The following PXDNL variants were observed in gnomAD, a reference collection of about 807,000 sequenced individuals.
The protein encoded by PXDNL is probable oxidoreductase PXDNL.
Under a neutral mutation model 150.8 loss-of-function variants are expected in PXDNL, and 145 were observed. The ratio of observed to expected loss-of-function variants is 0.96; its 90% CI spans 0.84 to 1.10. The LOEUF (loss-of-function observed/expected upper bound fraction) is 1.10, where lower values mean the gene tolerates loss of function less well. Among genes scored for constraint, PXDNL ranks in the 50% least tolerant of loss-of-function variants. PXDNL has a pLI of 0.00. For synonymous variants in PXDNL, 757 were observed against 725.7 expected (o/e 1.04, Z -0.69); for missense variants, 2,087 against 1,873.9 (o/e 1.11, Z -2.10).
intron 1 of PXDNL, among the ~76,000 whole-genome samples, chr8:51,669,615 G>A (rs1453501467): frequency 6.6e-6 from 1 of 152,082 alleles, no homozygotes. Context: ...CCACATATAT[G>A]GGCATACACA....
intron 2 of PXDNL, among the ~76,000 whole-genome samples, chr8:51,604,850 G>A (rs7829909): frequency 0.025 from 3,801 of 151,968 alleles, 170 homozygotes; most frequent in African/African-American, 0.086. Flanking sequence ...CAAATATCTC[G>A]TCAGAGTTTG....
chr8:51,319,839 T>C lies in PXDNL; in HGVS notation c.*52A>G. ...AAGTTAAAAGTTCTGAAGTCCTAAATGTCTCTTCCTGAGAAATTTCCCATT... is the reference window on the plus strand; with the variant it reads ...AAGTTAAAAGTTCTGAAGTCCTAAACGTCTCTTCCTGAGAAATTTCCCATT... On this transcript the variant is annotated 3_prime_UTR_variant, in exon 23 of 23. Coordinates refer to ENST00000356297, the MANE Select transcript of PXDNL (RefSeq NM_144651.5). 12 of 1,410,438 alleles carry C rather than the reference T, an allele frequency of 8.5e-6. No homozygotes were observed. The highest frequency in any genetic ancestry group is 1.1e-5 in the Non-Finnish European group (12 of 1,074,432). 87.4% of individuals were successfully genotyped at this position (1,410,438 alleles called of 1,614,324 possible).
rs866047485 is a variant in PXDNL at position 51,578,053 on chromosome 8, A to G, written c.308+14574T>C. Among the ~76,000 whole-genome samples, 152 of 127,052 alleles carry G rather than the reference A, an allele frequency of 1.2e-3. 5 individuals carry two copies. The highest frequency in any genetic ancestry group is 2.3e-3 in the Admixed American group (30 of 12,828). The allele number at this position is 127,052 out of a possible 152,430, so 83.4% of individuals were successfully genotyped here. ...AGGAAGGAAGGAAGGAAGGAAGGAA[A>G]GAAAGAAAGGAAAGAAAGAAAAGAA... On this transcript the variant is annotated intron_variant, in intron 3 of 22. Transcript: ENST00000356297.
At chr8:51,721,830 C>T (rs988858199) in intron 1 of PXDNL, 3 of 289,968 alleles carry the variant, frequency 1.0e-5, no homozygotes, top group Non-Finnish European at 2.0e-5. Context: ...CAGTCTGCAC[C>T]AAGCTGGTTT....
chr8:51,474,845 C>A (rs370205624), intron 7 of PXDNL, 127 bp downstream of exon 7: 4 of 762,920 alleles, frequency 5.2e-6, no homozygotes, highest in Non-Finnish European at 7.6e-6. Flanking sequence ...CATACTTTTA[C>A]CACATTCCTT....
At chr8:51,461,325 G>A (rs1810077914) in intron 8 of PXDNL, among the ~76,000 whole-genome samples, 1 of 152,228 alleles carries the variant, frequency 6.6e-6, no homozygotes, top group Non-Finnish European at 1.5e-5. Context: ...TATGGGAAGG[G>A]TGTGACCTTT....
intron 19 of PXDNL, among the ~76,000 whole-genome samples, chr8:51,364,080 C>T (rs911908555): frequency 3.3e-5 from 5 of 152,146 alleles, no homozygotes; most frequent in African/African-American, 1.2e-4. Context: ...AGGACTATCC[C>T]CCTAATAACA....
chr8:51,733,228 C>G (rs978625883), intron 1 of PXDNL, among the ~76,000 whole-genome samples: 3 of 152,186 alleles, frequency 2.0e-5, no homozygotes, highest in African/African-American at 7.2e-5. Flanking sequence ...GACTGTAAAA[C>G]ATATTCACTA....
At chr8:51,380,936 C>T (rs911535149) in intron 17 of PXDNL, among the ~76,000 whole-genome samples, 2 of 152,066 alleles carry the variant, frequency 1.3e-5, no homozygotes, top group African/African-American at 2.4e-5. Flanking sequence ...ATTATATCAA[C>T]ACTTTAAAAA....
Position 51,423,593 on chromosome 8 carries a change from T to C in PXDNL, c.1777A>G (p.Met593Val), listed in dbSNP as rs1183487397. 5 of 1,613,548 alleles carry C rather than the reference T, an allele frequency of 3.1e-6. No homozygotes were observed. Among genetic ancestry groups the C allele is most frequent in the South Asian group, 1.1e-5 (1 of 91,076 alleles). The change falls in exon 14 of 23, where the codon ATG (methionine) becomes GTG (valine). Residue 593 changes from methionine to valine, a missense_variant. Transcript: ENST00000356297. ...CACCTACCCGTGACTGTAAGAAACA[T>C]GTTGGTCACAGCAAGGCCAAAAGAA... ...RNSFGLAVTN[M>V]FLTVTAIQGR...
chr8:51,672,417 A>G (rs1343418498), intron 1 of PXDNL, among the ~76,000 whole-genome samples: 2 of 152,226 alleles, frequency 1.3e-5, no homozygotes, highest in Non-Finnish European at 2.9e-5. Flanking sequence ...GGATGAATGG[A>G]TTAATTTCAC....
At chr8:51,440,552 T>C (rs990848713) in intron 12 of PXDNL, among the ~76,000 whole-genome samples, 2 of 152,188 alleles carry the variant, frequency 1.3e-5, no homozygotes, top group Admixed American at 6.5e-5. Context: ...TCTCCCACAT[T>C]GCAGCTATCC....
intron 17 of PXDNL, among the ~76,000 whole-genome samples, chr8:51,405,237 G>A (rs760452677): frequency 5.3e-5 from 8 of 152,202 alleles, no homozygotes; most frequent in Non-Finnish European, 1.0e-4. Flanking sequence ...CAGTGCAACC[G>A]CGGGGTGAAG....
intron 1 of PXDNL, among the ~76,000 whole-genome samples, chr8:51,697,958 T>C (rs1816180558): frequency 6.6e-6 from 1 of 152,244 alleles, no homozygotes; most frequent in South Asian, 2.1e-4. Context: ...TATGGTCTTT[T>C]AAGTGTGCAA....
chr8:51,544,820 G>T (rs1160569575), intron 4 of PXDNL, among the ~76,000 whole-genome samples: 1 of 152,056 alleles, frequency 6.6e-6, no homozygotes, highest in Non-Finnish European at 1.5e-5. Context: ...CCTCTGAAAA[G>T]ATCTATTATT....
At chr8:51,464,223 G>A (rs751363932) in intron 8 of PXDNL, among the ~76,000 whole-genome samples, 10 of 152,224 alleles carry the variant, frequency 6.6e-5, no homozygotes, top group Non-Finnish European at 1.5e-4. Flanking sequence ...TATTAGCTGG[G>A]TGTGCTGGCA....
At chr8:51,337,905 A>G (rs112345398) in intron 21 of PXDNL, among the ~76,000 whole-genome samples, 2,602 of 146,394 alleles carry the variant, frequency 0.018, 47 homozygotes, top group African/African-American at 0.062. Flanking sequence ...ATGGCCAGGC[A>G]CAGTGGCTCA....
chr8:51,457,488 A>G lies in PXDNL; in HGVS notation c.982+10T>C. 1 of 1,598,690 alleles carries G rather than the reference A, an allele frequency of 6.3e-7. No homozygotes were observed. Among genetic ancestry groups the G allele is most frequent in the Non-Finnish European group, 8.5e-7 (1 of 1,172,640 alleles). On this transcript the variant is annotated intron_variant, in intron 9 of 22. Transcript: ENST00000356297. ...AGATAATTGATAGAACTAGAAAATA[A>G]TAGTTTTACCTGGAAGACTGGAGTA... is the stretch of plus-strand genomic sequence containing the variant.
At chr8:51,800,569 G>C (rs1317866597) in intron 1 of PXDNL, among the ~76,000 whole-genome samples, 1 of 152,216 alleles carries the variant, frequency 6.6e-6, no homozygotes, top group African/African-American at 2.4e-5. Flanking sequence ...GTTGTGGGAA[G>C]TCAGGGACCC....
Sources: gnomAD v4.1 joint callset for allele counts (sites outside exome capture counted in the v4.1 genomes callset) on GRCh38, gnomAD v4.1.1 for gene constraint, MANE v1.5 for transcripts, NCBI Gene and HGNC (gene_info 2026-07-23, HGNC 2026-07-21) for gene names.